TENT2: variants seen among roughly 807,000 people sequenced by gnomAD.
The protein encoded by TENT2 is terminal nucleotidyltransferase 2.
In TENT2, 44 loss-of-function variants were observed where a neutral mutation model predicts 72.2. That is an observed-to-expected ratio of 0.61 (90% CI 0.48 to 0.78). TENT2 has a LOEUF of 0.78. TENT2 is among the 30% of genes least tolerant of loss of function. The pLI is 0.00. For missense variants in TENT2, 541 were observed against 569.6 expected (o/e 0.95, Z 0.51); for synonymous variants, 212 against 192.5 (o/e 1.10, Z -0.84).
intron 12 of TENT2, among the ~76,000 whole-genome samples, chr5:79,678,378 G>A (rs1183850643): frequency 2.0e-5 from 3 of 151,986 alleles, no homozygotes; most frequent in African/African-American, 7.3e-5. Flanking sequence ...AAGGTCCCAA[G>A]TGATAGTCTT....
In TENT2 at chr5:79,620,086, A is replaced by G. The variant is rs1281642559; in HGVS notation, c.227+3A>G. ...TCCCCATTATTTCGAGGAAGGAAGT[A>G]AGTACTTCTTAATTATTTTAAAAGA... On this transcript the variant is annotated splice_donor_region_variant and intron_variant, in intron 3 of 14. Transcript: ENST00000453514. 2 of 1,576,142 alleles carry G rather than the reference A, an allele frequency of 1.3e-6. No individual in the cohort carries two copies. The highest frequency in any genetic ancestry group is 1.7e-6 in the Non-Finnish European group (2 of 1,148,032).
At chr5:79,675,556 T>C (rs1336003169) in intron 12 of TENT2, among the ~76,000 whole-genome samples, 1 of 152,194 alleles carries the variant, frequency 6.6e-6, no homozygotes, top group Admixed American at 6.5e-5. Flanking sequence ...TGATCATTAA[T>C]TTAAAGTGTG....
At chr5:79,659,592 AT>A (rs1202077233) in intron 11 of TENT2, among the ~76,000 whole-genome samples, 29 of 131,860 alleles carry the variant, frequency 2.2e-4, no homozygotes, top group African/African-American at 7.8e-4. Flanking sequence ...ATATATATAT[AT>A]AATAGCCATC....
At position 79,620,062 on chromosome 5, in the gene TENT2, C is replaced by G; in HGVS notation, c.206C>G (p.Ser69Cys). Residue 69 changes from serine (S) to cysteine (C), a missense_variant, in exon 3 of 15, where the codon TCC (serine) becomes TGC (cysteine). Transcript: ENST00000453514. ...GNVSPIQTSA[S>C]PLFRGRKRLS... is the part of the protein sequence containing the mutation. The stretch of plus-strand genomic sequence containing the variant: ...GTCAGTCCAATACAGACCTCAGCTT[C>G]CCCATTATTTCGAGGAAGGAAGTAA... 6.2e-7 allele frequency: 1 copy of G among 1,608,912 alleles called. No homozygotes were observed. Among genetic ancestry groups the G allele is most frequent in the Non-Finnish European group, 8.5e-7 (1 of 1,176,236 alleles).
intron 11 of TENT2, among the ~76,000 whole-genome samples, chr5:79,665,338 C>T (rs899537682): frequency 2.0e-5 from 3 of 152,088 alleles, no homozygotes; most frequent in Admixed American, 6.5e-5. Flanking sequence ...ATTTAAAGAA[C>T]GGTTTTCAAA....
At chr5:79,641,265 T>C (rs1784218225) in intron 6 of TENT2, 69 bp downstream of exon 6, 2 of 1,343,156 alleles carry the variant, frequency 1.5e-6, no homozygotes, top group South Asian at 3.0e-5. Flanking sequence ...TACATAAAAG[T>C]CATTGAGGGA....
chr5:79,656,861 C>A, intron 10 of TENT2, 97 bp from the exon 11 acceptor site: 3 of 763,110 alleles, frequency 3.9e-6, no homozygotes, highest in East Asian at 5.3e-5. Context: ...TTAGCATAAA[C>A]CCTTATGGTC....
intron 13 of TENT2, among the ~76,000 whole-genome samples, chr5:79,680,842 C>T (rs1280101524): frequency 6.6e-6 from 1 of 152,118 alleles, no homozygotes; most frequent in East Asian, 1.9e-4. Context: ...TGTTTACCTA[C>T]TGCTGGCATT....
At chr5:79,682,409 A>G (rs1020691214) in intron 14 of TENT2, among the ~76,000 whole-genome samples, 3 of 150,912 alleles carry the variant, frequency 2.0e-5, no homozygotes, top group Non-Finnish European at 2.9e-5. Context: ...CCTCCCAGAT[A>G]GCTTGGATTA....
chr5:79,641,429 C>T (rs1784330615), intron 6 of TENT2, among the ~76,000 whole-genome samples: 1 of 143,482 alleles, frequency 7.0e-6, no homozygotes, highest in Admixed American at 7.0e-5. Context: ...GAGATGGCTT[C>T]ACTATGTGTT....
In TENT2 at chr5:79,656,972, A is replaced by G. The variant is rs756490957; in HGVS notation, c.1042A>G (p.Ile348Val). 6.2e-7 allele frequency: 1 copy of G among 1,605,400 alleles called. No homozygotes were observed. The highest frequency in any genetic ancestry group is 8.5e-7 in the Non-Finnish European group (1 of 1,173,674). The change falls in exon 11 of 15, where the codon ATC becomes GTC. Residue 348 changes from isoleucine to valine, a missense_variant. Coordinates refer to ENST00000453514, the MANE Select transcript of TENT2 (RefSeq NM_001114394.3). The part of the protein sequence containing the change: ...LHYLQTLPEP[I>V]LPSLQKIYPE... The stretch of plus-strand genomic sequence containing the variant: ...TCTTTTTATAGCCCTACCTGAACCC[A>G]TCCTTCCATCCCTCCAAAAAATTTA...
At chr5:79,628,696 A>C (rs1429487304) in intron 4 of TENT2, among the ~76,000 whole-genome samples, 1 of 152,166 alleles carries the variant, frequency 6.6e-6, no homozygotes, top group Non-Finnish European at 1.5e-5. Flanking sequence ...GAAGTACTCG[A>C]GTTTTTTGAA....
chr5:79,641,404 C>T (rs1784320559), intron 6 of TENT2, among the ~76,000 whole-genome samples: 1 of 146,100 alleles, frequency 6.8e-6, no homozygotes, highest in Admixed American at 6.9e-5. Flanking sequence ...TAATTTAATT[C>T]TAAGTTTTTA....
intron 3 of TENT2, among the ~76,000 whole-genome samples, chr5:79,622,276 C>T (rs7737664): frequency 0.44 from 66,697 of 151,692 alleles, 17,803 homozygotes; most frequent in African/African-American, 0.75. Context: ...CACTCTAGCC[C>T]GGCAACAGAG....
Position 79,636,396 on chromosome 5 carries a change from T to C in TENT2, c.466-4455T>C, listed in dbSNP as rs185070707. Among the ~76,000 whole-genome samples the C allele has an allele frequency of 2.6e-5, 4 of 152,348 alleles. No individual in the cohort carries two copies. The East Asian group carries it at 7.7e-4, about 29-fold the overall frequency. ...AATCAGATTGCAGTTATTTTATTTG[T>C]AAATATTTCAGTATTCTGATATTCA... On this transcript the variant is annotated intron_variant, in intron 4 of 14. Transcript: ENST00000453514.
At chr5:79,661,475 C>T (rs1256182379) in intron 11 of TENT2, among the ~76,000 whole-genome samples, 2 of 152,100 alleles carry the variant, frequency 1.3e-5, no homozygotes, top group African/African-American at 4.8e-5. Context: ...CCTGTGCAGG[C>T]ATACGTTTGA....
At chr5:79,649,293 TC>T in intron 10 of TENT2, 103 bp downstream of exon 10, 8 of 1,104,578 alleles carry the variant, frequency 7.2e-6, no homozygotes, top group Non-Finnish European at 1.0e-5. Flanking sequence ...TTTTAAAAGT[TC>T]TTTCTAAGGT....
chr5:79,655,088 A>G (rs1274346704), intron 10 of TENT2, among the ~76,000 whole-genome samples: 3 of 152,200 alleles, frequency 2.0e-5, no homozygotes, highest in Non-Finnish European at 4.4e-5. Context: ...TGAAGTTAAA[A>G]TAGTTGTTAT....
intron 3 of TENT2, among the ~76,000 whole-genome samples, chr5:79,621,105 T>TA (rs61624308): frequency 1.1e-3 from 157 of 148,304 alleles, no homozygotes; most frequent in Middle Eastern, 3.4e-3. Flanking sequence ...CAAGGTGCTG[T>TA]AAAAAAAAAA....
Sources: allele counts gnomAD v4.1 joint callset (sites outside exome capture counted in the v4.1 genomes callset), GRCh38; gene constraint gnomAD v4.1.1; transcripts MANE v1.5; gene names NCBI Gene and HGNC (gene_info 2026-07-23, HGNC 2026-07-21).